Variants in SHLD1 observed in about 807,000 individuals in gnomAD.
SHLD1 encodes shieldin complex subunit 1.
SHLD1 carries 3 observed loss-of-function variants against 5.5 expected under a neutral mutation model. That is an observed-to-expected ratio of 0.54 (90% CI 0.25 to 1.40). The LOEUF is 1.40. SHLD1 is among the 40% of genes most tolerant of loss of function. The probability of loss-of-function intolerance (pLI) is 0.15; values close to 1 mark genes in which losing one functional copy is unlikely to be tolerated. For missense variants in SHLD1, 210 were observed against 244.4 expected, an observed-to-expected ratio of 0.86 and a Z score of 0.94; for synonymous variants, 92 against 94.3, an observed-to-expected ratio of 0.98 and a Z score of 0.14.
chr20:5,858,512 T>C (rs763994856), intron 2 of SHLD1, among the ~76,000 whole-genome samples: 4 of 152,188 alleles, frequency 2.6e-5, no homozygotes, highest in Non-Finnish European at 5.9e-5. Context: ...CTCCTAAATA[T>C]ATAAAAATAT....
At chr20:5,858,272 A>C (rs1260600998) in intron 2 of SHLD1, among the ~76,000 whole-genome samples, 3 of 152,194 alleles carry the variant, frequency 2.0e-5, no homozygotes, top group African/African-American at 7.2e-5. Flanking sequence ...TAAATATCAA[A>C]TCTATTTAGT....
intron 1 of SHLD1, 114 bp from the exon 2 acceptor site, chr20:5,772,748 C>A: frequency 9.0e-7 from 1 of 1,110,464 alleles, no homozygotes; most frequent in Non-Finnish European, 1.2e-6. Context: ...CTGATCTCTA[C>A]AAAAATAAAA....
intron 2 of SHLD1, among the ~76,000 whole-genome samples, chr20:5,817,432 C>CTCTCTCTCTCTCTGTGTGTGTGTGTGTG (rs1473391202): frequency 2.3e-5 from 2 of 85,666 alleles, no homozygotes; most frequent in African/African-American, 1.1e-4. Context: ...CTCTCTCTCT[C>CTCTCTCTCTCTCTGTGTGTGTGTGTGTG]TGTGTGTGTG....
chr20:5,822,173 C>T (rs2087613402), intron 2 of SHLD1, among the ~76,000 whole-genome samples: 1 of 152,082 alleles, frequency 6.6e-6, no homozygotes, highest in South Asian at 2.1e-4. Context: ...AGTAAGTGCT[C>T]AAAGCCAGGC....
At chr20:5,799,913 A>G (rs978861666) in intron 2 of SHLD1, among the ~76,000 whole-genome samples, 11 of 152,200 alleles carry the variant, frequency 7.2e-5, no homozygotes, top group African/African-American at 2.7e-4. Flanking sequence ...GTGTCAGTAC[A>G]TAAACATGAA....
chr20:5,752,892 T>A (rs915928720), intron 1 of SHLD1, among the ~76,000 whole-genome samples: 1 of 152,114 alleles, frequency 6.6e-6, no homozygotes, highest in Admixed American at 6.6e-5. Flanking sequence ...CCTCCTGGGT[T>A]CAAGCGATTC....
intron 2 of SHLD1, among the ~76,000 whole-genome samples, chr20:5,792,789 T>A (rs2122310412): frequency 6.6e-6 from 1 of 152,118 alleles, no homozygotes; most frequent in African/African-American, 2.4e-5. Flanking sequence ...TTCATGTGCC[T>A]CAGCCTCCCG....
At chr20:5,824,399 C>G (rs1260007704) in intron 2 of SHLD1, among the ~76,000 whole-genome samples, 1 of 152,178 alleles carries the variant, frequency 6.6e-6, no homozygotes, top group Non-Finnish European at 1.5e-5. Context: ...GCATTTATCA[C>G]TGCCTGTGGT....
chr20:5,853,935 C>G lies in SHLD1; in HGVS notation c.179-9089C>G, dbSNP rs139576540. On this transcript the variant is annotated intron_variant, in intron 2 of 2. Coordinates refer to ENST00000303142, the MANE Select transcript of SHLD1 (RefSeq NM_152504.4). Reference sequence around the variant, plus strand: ...GCTCACTGCAGCCTCCACCTCCTAGCCTCAAGCAATCTTCCTGCCTTAGCC... The same window carrying G: ...GCTCACTGCAGCCTCCACCTCCTAGGCTCAAGCAATCTTCCTGCCTTAGCC... Among the ~76,000 whole-genome samples, 713 of 151,730 alleles carry G rather than the reference C, an allele frequency of 4.7e-3. 7 individuals carry two copies. Among genetic ancestry groups the G allele is most frequent in the African/African-American group, 0.017 (687 of 41,354 alleles).
chr20:5,829,213 T>A (rs1938941791), intron 2 of SHLD1, among the ~76,000 whole-genome samples: 1 of 152,176 alleles, frequency 6.6e-6, no homozygotes, highest in Admixed American at 6.6e-5. Flanking sequence ...GGGAGTTCTT[T>A]TTAAAGGTCA....
chr20:5,760,705 A>ATATATATATATATATATTTATATATAT (rs1984411448), intron 1 of SHLD1, among the ~76,000 whole-genome samples: 1 of 152,054 alleles, frequency 6.6e-6, no homozygotes, highest in Non-Finnish European at 1.5e-5. Flanking sequence ...AAATAAAAAA[A>ATATATATATATATATATTTATATATAT]AAACAACAAG....
intron 2 of SHLD1, among the ~76,000 whole-genome samples, chr20:5,841,213 A>G (rs2087855513): frequency 6.6e-6 from 1 of 152,016 alleles, no homozygotes; most frequent in African/African-American, 2.4e-5. Context: ...GCACATGCAT[A>G]TGTATACATA....
rs151098794 is a variant in SHLD1, at chr20:5,783,290, T to C, written c.178+10247T>C. Among the ~76,000 whole-genome samples the C allele has an allele frequency of 7.9e-3, 1,198 of 152,266 alleles. 11 individuals are homozygous for C. The highest frequency in any genetic ancestry group is 0.025 in the African/African-American group (1,050 of 41,536). On this transcript the variant is annotated intron_variant, in intron 2 of 2. Coordinates refer to ENST00000303142, the MANE Select transcript of SHLD1 (RefSeq NM_152504.4). ...CCCAGGCTGGAGTGCAGTGGCAAGG[T>C]CTCGGCTCACTGCGACCTCCGCCTC... is the stretch of plus-strand genomic sequence containing the variant.
intron 2 of SHLD1, among the ~76,000 whole-genome samples, chr20:5,826,427 T>C (rs1025610880): frequency 3.3e-5 from 5 of 150,776 alleles, no homozygotes; most frequent in African/African-American, 1.2e-4. Context: ...CTGATACCTG[T>C]ACAAAATTAT....
intron 2 of SHLD1, among the ~76,000 whole-genome samples, chr20:5,783,344 C>T (rs1163828027): frequency 6.6e-6 from 1 of 152,160 alleles, no homozygotes; most frequent in Non-Finnish European, 1.5e-5. Context: ...CTGCCTCAGC[C>T]TCCCGAGTAG....
intron 2 of SHLD1, among the ~76,000 whole-genome samples, chr20:5,784,575 C>T (rs939636603): frequency 2.6e-5 from 4 of 151,986 alleles, no homozygotes; most frequent in Admixed American, 6.6e-5. Flanking sequence ...CTCAGCCTCC[C>T]GAGTAGCTGG....
At chr20:5,829,076 T>A (rs1681228878) in intron 2 of SHLD1, among the ~76,000 whole-genome samples, 3 of 139,998 alleles carry the variant, frequency 2.1e-5, no homozygotes, top group Non-Finnish European at 4.9e-5. Context: ...AGAGTCTCAC[T>A]ATGTTGCCCA....
chr20:5,838,704 C>T (rs968647085), intron 2 of SHLD1, among the ~76,000 whole-genome samples: 2 of 152,098 alleles, frequency 1.3e-5, no homozygotes, highest in African/African-American at 2.4e-5. Context: ...GACGTTGCAG[C>T]GAGGCAGAGG....
At chr20:5,764,052 A>G (rs1984634495) in intron 1 of SHLD1, among the ~76,000 whole-genome samples, 1 of 145,842 alleles carries the variant, frequency 6.9e-6, no homozygotes, top group Admixed American at 6.9e-5. Context: ...GCTTAAACCC[A>G]GGAGGCGGAG....
Sources: gnomAD v4.1 joint callset for allele counts (sites outside exome capture counted in the v4.1 genomes callset) on GRCh38, gnomAD v4.1.1 for gene constraint, MANE v1.5 for transcripts, NCBI Gene and HGNC (gene_info 2026-07-23, HGNC 2026-07-21) for gene names.